Variants in DAB2IP observed in about 807,000 individuals in gnomAD.
DAB2IP encodes the protein DAB2 interacting protein, also known as disabled homolog 2-interacting protein.
Under a neutral mutation model 107.2 loss-of-function variants are expected in DAB2IP, and 28 were observed. That is an observed-to-expected ratio of 0.26 (90% CI 0.19 to 0.36). The LOEUF (loss-of-function observed/expected upper bound fraction) is 0.36, where lower values mean the gene tolerates loss of function less well. DAB2IP is among the 10% of genes least tolerant of loss of function. The probability of loss-of-function intolerance (pLI) is 1.00; values close to 1 mark genes in which losing one functional copy is unlikely to be tolerated. For synonymous variants in DAB2IP, 755 were observed against 706.4 expected (o/e 1.07, Z -1.09); for missense variants, 1,400 against 1,644.7 (o/e 0.85, Z 2.57).
At chr9:121,781,902 G>A (rs1389646608) in intron 15 of DAB2IP, among the ~76,000 whole-genome samples, 9 of 152,170 alleles carry the variant, frequency 5.9e-5, no homozygotes, top group Non-Finnish European at 8.8e-5. Flanking sequence ...TATGGCATCC[G>A]GGCTGCATTG....
At chr9:121,783,500 G>C in exon 16 of DAB2IP, 1 of 1,614,164 alleles carries the variant, frequency 6.2e-7, no homozygotes, top group Non-Finnish European at 8.5e-7. Flanking sequence ...CAGGCCCTGA[G>C]AAGGTGGATA....
chr9:121,635,969 T>A lies in DAB2IP; in HGVS notation c.41-42709T>A, dbSNP rs776309983. On this transcript the variant is annotated intron_variant, in intron 1 of 16. Transcript: ENST00000259371. This position sits in a 1 kb window ranked among gnomAD's most constrained non-coding sequence, Gnocchi z 4.3. ...CCCAGGCTGGAGTGCAGTGGCACGA[T>A]CTCGGCTCACTGCAACCTCTGCCTC... Among the ~76,000 whole-genome samples the A allele has an allele frequency of 1.3e-5, 2 of 152,160 alleles. No homozygotes were observed. Among genetic ancestry groups the A allele is most frequent in the African/African-American group, 4.8e-5 (2 of 41,424 alleles).
chr9:121,665,294 G>A (rs752729626), intron 1 of DAB2IP, among the ~76,000 whole-genome samples: 19 of 152,202 alleles, frequency 1.2e-4, no homozygotes, highest in African/African-American at 4.3e-4. Context: ...GATTGCTGGA[G>A]GCCAGGAGTC....
At chr9:121,585,906 G>C (rs914763098) in intron 1 of DAB2IP, among the ~76,000 whole-genome samples, 1 of 152,102 alleles carries the variant, frequency 6.6e-6, no homozygotes, top group African/African-American at 2.4e-5. Context: ...GTTCTACCAG[G>C]AACCCTAATT....
intron 1 of DAB2IP, among the ~76,000 whole-genome samples, chr9:121,661,777 G>A (rs1833217063): frequency 6.6e-6 from 1 of 152,188 alleles, no homozygotes; most frequent in African/African-American, 2.4e-5. Context: ...GAGGCCAGAA[G>A]CTTGAGACCA....
chr9:121,741,293 C>T (rs1029984017), intron 3 of DAB2IP, among the ~76,000 whole-genome samples: 1 of 152,014 alleles, frequency 6.6e-6, no homozygotes, highest in African/African-American at 2.4e-5. Context: ...ATGGCTGATG[C>T]AGAACTCCCC....
intron 1 of DAB2IP, among the ~76,000 whole-genome samples, chr9:121,583,184 C>G (rs74976825): frequency 0.024 from 3,591 of 152,276 alleles, 155 homozygotes; most frequent in African/African-American, 0.079. Context: ...GTCAGCAGTT[C>G]AAAACCAGCC....
At position 121,776,182 on chromosome 9, in the gene DAB2IP, G is replaced by C. The variant is rs1310051762; in HGVS notation, c.3121-16G>C. ...TGTCCTGGGTGCTGTGCCCGTGGAC[G>C]CTGCCCTCCTGGTAGGACCTGGCGG... On this transcript the variant is annotated splice_polypyrimidine_tract_variant and intron_variant, in intron 13 of 15. Transcript: ENST00000408936. This position sits in a 1 kb window ranked among gnomAD's most constrained non-coding sequence, Gnocchi z 5.4. 1 of 1,562,948 alleles carries C rather than the reference G, an allele frequency of 6.4e-7. No individual in the cohort carries two copies. Among genetic ancestry groups the C allele is most frequent in the Non-Finnish European group, 8.7e-7 (1 of 1,153,760 alleles).
chr9:121,722,935 T>TGGACTGTTGG (rs1427617326), intron 3 of DAB2IP, among the ~76,000 whole-genome samples: 1 of 152,242 alleles, frequency 6.6e-6, no homozygotes, highest in Non-Finnish European at 1.5e-5. Context: ...AAAGCCACGG[T>TGGACTGTTGG]GGACTGTTGG....
Position 121,782,788 on chromosome 9 carries a change from G to T in DAB2IP, c.*290G>T. On this transcript the variant is annotated 3_prime_UTR_variant, in exon 16 of 16. Transcript: ENST00000408936. The surrounding 1 kb of genome is among the most constrained non-coding windows in gnomAD (Gnocchi z 6.1). ...CAGGGGGCCTGCCAAAAATATGTCT[G>T]TTGGTTCCTGAATGTGGTGTGTCCT... 1.6e-6 allele frequency: 2 copies of T among 1,266,202 alleles called. No individual in the cohort carries two copies. Among genetic ancestry groups the T allele is most frequent in the Non-Finnish European group, 1.0e-6 (1 of 999,476 alleles). The allele number at this position is 1,266,202 out of a possible 1,614,324, so 78.4% of individuals were successfully genotyped here. A position where few individuals can be genotyped will look rare whatever the true frequency, so the allele number is the denominator to read the frequency against.
intron 1 of DAB2IP, among the ~76,000 whole-genome samples, chr9:121,646,434 C>T (rs1832538678): frequency 6.6e-6 from 1 of 152,104 alleles, no homozygotes; most frequent in Non-Finnish European, 1.5e-5. Flanking sequence ...CATTGCCTGC[C>T]AGACAGGCCA....
At position 121,668,140 on chromosome 9, in the gene DAB2IP, A is replaced by G. The variant is rs546696365; in HGVS notation, c.125-10538A>G. Among the ~76,000 whole-genome samples the G allele has an allele frequency of 2.0e-5, 3 of 152,074 alleles. No individual in the cohort carries two copies. The East Asian group carries it at 5.8e-4, about 29-fold the overall frequency. On this transcript the variant is annotated intron_variant, in intron 1 of 15. Coordinates refer to ENST00000408936, the Ensembl canonical transcript of DAB2IP. ...GCGAATTATGGGAGTACAATTCAAG[A>G]TGACATTTGAGTGGGAACACAGAGC...
chr9:121,609,886 C>G (rs28429446), intron 1 of DAB2IP, among the ~76,000 whole-genome samples: 1 of 152,196 alleles, frequency 6.6e-6, no homozygotes, highest in East Asian at 1.9e-4. Context: ...AGTTTTGCAG[C>G]CTTGGCTCCT....
chr9:121,603,162 C>T (rs997659537), intron 1 of DAB2IP, among the ~76,000 whole-genome samples: 5 of 152,302 alleles, frequency 3.3e-5, no homozygotes, highest in East Asian at 1.9e-4. Flanking sequence ...GGGAGAGGAG[C>T]GGGGTGGTTC....
chr9:121,570,975 A>T (rs1248215509), intron 1 of DAB2IP, among the ~76,000 whole-genome samples: 1 of 151,666 alleles, frequency 6.6e-6, no homozygotes, highest in East Asian at 1.9e-4. Flanking sequence ...CTGCTCCTTC[A>T]TGATTGAACT....
rs1351055121 is a variant in DAB2IP at position 121,651,876 on chromosome 9, G to T, written c.101G>T (p.Arg34Leu). Residue 34 changes from arginine to leucine, a missense_variant, in exon 1 of 16, where the codon CGC (arginine) becomes CTC (leucine). Transcript: ENST00000408936. The surrounding 1 kb of genome is among the most constrained non-coding windows in gnomAD (Gnocchi z 5.1). ...CTGCAGCGACAGAGGAGCCGCTCCC[G>T]CAGCCGGACCCGGCCTGCCAGGGGT... 3 of 1,438,578 alleles carry T rather than the reference G, an allele frequency of 2.1e-6. No homozygotes were observed. Among genetic ancestry groups the T allele is most frequent in the Non-Finnish European group, 2.8e-6 (3 of 1,090,662 alleles). 89.1% of individuals were successfully genotyped at this position (1,438,578 alleles called of 1,614,324 possible). A position where few individuals can be genotyped will look rare whatever the true frequency, so the allele number is the denominator to read the frequency against.
In DAB2IP at chr9:121,633,351, A is replaced by G. The variant is rs1216606601; in HGVS notation, c.41-45327A>G. Among the ~76,000 whole-genome samples, 1 of 152,114 alleles carries G rather than the reference A, an allele frequency of 6.6e-6. No individual in the cohort carries two copies. The highest frequency in any genetic ancestry group is 1.5e-5 in the Non-Finnish European group (1 of 68,032). ...AGAGGGCCTTGTTCTCTCTTGTCAGAGCCAGGGGTTGTGTCTTTGCCCACT... is the reference window on the plus strand; with the variant it reads ...AGAGGGCCTTGTTCTCTCTTGTCAGGGCCAGGGGTTGTGTCTTTGCCCACT... On this transcript the variant is annotated intron_variant, in intron 1 of 16. Coordinates refer to the DAB2IP transcript ENST00000259371. This position sits in a 1 kb window ranked among gnomAD's most constrained non-coding sequence, Gnocchi z 5.1.
chr9:121,699,087 AG>A lies in DAB2IP; in HGVS notation c.229-233del, dbSNP rs1409433166. ...GGCGTCGCCAAGGCAACAGCGGCTT[AG>A]GGGGCGGGGGCGACGTGGCGGGCGG... On this transcript the variant is annotated intron_variant, in intron 2 of 15. Coordinates refer to ENST00000408936, the Ensembl canonical transcript of DAB2IP. The surrounding 1 kb of genome is among the most constrained non-coding windows in gnomAD (Gnocchi z 6.2). Among the ~76,000 whole-genome samples, 5 of 143,118 alleles carry A rather than the reference AG, an allele frequency of 3.5e-5. No individual in the cohort carries two copies. In the East Asian group the frequency reaches 6.5e-4, roughly 19 times the overall value. The allele number at this position is 143,118 out of a possible 152,430, so 93.9% of individuals were successfully genotyped here. A position where few individuals can be genotyped will look rare whatever the true frequency, so the allele number is the denominator to read the frequency against.
At chr9:121,643,049 G>A (rs1832417635) in intron 1 of DAB2IP, among the ~76,000 whole-genome samples, 1 of 152,030 alleles carries the variant, frequency 6.6e-6, no homozygotes, top group South Asian at 2.1e-4. Flanking sequence ...TTCAGAGATT[G>A]AAAAGTTATC....
Sources: allele counts gnomAD v4.1 joint callset (sites outside exome capture counted in the v4.1 genomes callset), GRCh38; gene constraint gnomAD v4.1.1; non-coding constraint Gnocchi (gnomAD v3.1); transcripts MANE v1.5; gene names NCBI Gene and HGNC (gene_info 2026-07-23, HGNC 2026-07-21).